ARID3C: variants seen among roughly 807,000 people sequenced by gnomAD.
The protein encoded by ARID3C is AT-rich interactive domain-containing protein 3C.
In ARID3C, 42 loss-of-function variants were observed where a neutral mutation model predicts 37.9. The ratio of observed to expected loss-of-function variants is 1.11; its 90% CI spans 0.87 to 1.43. ARID3C has a LOEUF of 1.43. Among genes scored for constraint, ARID3C ranks in the 40% most tolerant of loss-of-function variants. ARID3C has a pLI of 0.00. For synonymous variants in ARID3C, 213 were observed against 228.0 expected (o/e 0.93, Z 0.59); for missense variants, 581 against 548.8 (o/e 1.06, Z -0.59).
chr9:34,633,005 G>A (rs1820735860), upstream of ARID3C, among the ~76,000 whole-genome samples: 1 of 151,896 alleles, frequency 6.6e-6, no homozygotes, highest in Non-Finnish European at 1.5e-5. Context: ...GAGGTTTGAG[G>A]ACTAAGCCCA....
intron 4 of ARID3C, among the ~76,000 whole-genome samples, chr9:34,622,983 T>C (rs1248058322): frequency 1.3e-5 from 2 of 151,486 alleles, no homozygotes; most frequent in African/African-American, 2.4e-5. Context: ...CCGTCTCTAC[T>C]AAAAATACAA....
intron 1 of ARID3C, 81 bp from the exon 3 acceptor site, chr9:34,625,895 C>CAAGG: frequency 6.8e-7 from 1 of 1,479,652 alleles, no homozygotes; most frequent in Non-Finnish European, 9.4e-7. Flanking sequence ...GTACCCTGAA[C>CAAGG]AAGGGTCCCT....
At chr9:34,621,455 C>T (rs754315397) in exon 7 of ARID3C, 59 of 1,509,128 alleles carry the variant, frequency 3.9e-5, no homozygotes, top group Non-Finnish European at 4.9e-5. Flanking sequence ...CAAGTAGGAC[C>T]TCTCAGGGCA....
chr9:34,622,602 G>T, intron 4 of ARID3C, 73 bp from the exon 6 acceptor site: 1 of 1,449,250 alleles, frequency 6.9e-7, no homozygotes, highest in South Asian at 1.4e-5. Flanking sequence ...CCAGGCCTGG[G>T]ACCAAAAGAG....
chr9:34,628,107 G>T, upstream of ARID3C: 3 of 1,424,620 alleles, frequency 2.1e-6, no homozygotes, highest in South Asian at 1.5e-5. The surrounding 1 kb of genome is among the most constrained non-coding windows in gnomAD (Gnocchi z 5.2). Context: ...GGGAATTATG[G>T]GTGCTGGGCC....
At chr9:34,622,778 A>C (rs968384011) in intron 4 of ARID3C, among the ~76,000 whole-genome samples, 50 of 152,244 alleles carry the variant, frequency 3.3e-4, no homozygotes, top group Non-Finnish European at 6.3e-4. Context: ...TAAATAATCC[A>C]GGTCACAAGA....
At chr9:34,622,491 C>A (rs756990888) in exon 5 of ARID3C, 2 of 1,612,038 alleles carry the variant, frequency 1.2e-6, no homozygotes, top group Non-Finnish European at 1.7e-6. Context: ...GCCAGGCCCA[C>A]AGGCAGTGCC....
rs1344287434 is a variant in ARID3C at position 34,624,067 on chromosome 9, C to T, written c.392-20G>A. On this transcript the variant is annotated intron_variant, in intron 2 of 6. Coordinates refer to ENST00000378909, the Ensembl canonical transcript of ARID3C. The stretch of plus-strand genomic sequence containing the variant: ...GCGTCCCTGGTGGGGAGCGGGCTGC[C>T]GTCAGGACACTGAGACGAAGACCCT... 1.3e-6 allele frequency: 2 copies of T among 1,564,162 alleles called. No individual in the cohort carries two copies. Among genetic ancestry groups the T allele is most frequent in the Admixed American group, 1.8e-5 (1 of 56,246 alleles).
At chr9:34,621,598 G>A in intron 6 of ARID3C, 40 bp from the exon 8 acceptor site, 1 of 1,423,802 alleles carries the variant, frequency 7.0e-7, no homozygotes, top group East Asian at 2.4e-5. Context: ...GCAAAAACAA[G>A]CAGGAGGGGG....
chr9:34,628,032 G>A lies in ARID3C; in HGVS notation c.-18C>T. The A allele has an allele frequency of 6.8e-7, 1 of 1,462,102 alleles. No homozygotes were observed. Among genetic ancestry groups the A allele is most frequent in the Admixed American group, 2.7e-5 (1 of 36,838 alleles). The allele number at this position is 1,462,102 out of a possible 1,614,324, so 90.6% of individuals were successfully genotyped here. ...GCCTCCATGACAGCTTCCAGGCGCA[G>A]TCCCCCAGCTGAGGGGGTCCCTGGT... On this transcript the variant is annotated 5_prime_UTR_variant, in exon 1 of 7. Transcript: ENST00000378909. This position sits in a 1 kb window ranked among gnomAD's most constrained non-coding sequence, Gnocchi z 5.2.
exon 3 of ARID3C, chr9:34,623,941 G>T: frequency 6.2e-7 from 1 of 1,606,466 alleles, no homozygotes. Flanking sequence ...GCCACACTTT[G>T]CGGTTGATGA....
intron 1 of ARID3C, 97 bp downstream of exon 2, chr9:34,627,600 G>T: frequency 1.9e-6 from 2 of 1,081,026 alleles, no homozygotes; most frequent in Non-Finnish European, 2.7e-6. Context: ...TCTTGCAGAG[G>T]GTGGTGGGGG....
chr9:34,622,882 C>T (rs781291420), intron 4 of ARID3C, among the ~76,000 whole-genome samples: 34 of 152,126 alleles, frequency 2.2e-4, no homozygotes, highest in Non-Finnish European at 4.4e-4. Context: ...GGCGCGGTGA[C>T]TCAGCCTGTA....
At chr9:34,625,697 T>TCA (rs772489526) in intron 2 of ARID3C, 45 bp downstream of exon 3, 1 of 1,610,472 alleles carries the variant, frequency 6.2e-7, no homozygotes, top group Admixed American at 1.7e-5. Context: ...TCAAACCTGG[T>TCA]AAGGGGGCAA....
chr9:34,624,768 A>G (rs1330248814), intron 2 of ARID3C, among the ~76,000 whole-genome samples: 1 of 152,166 alleles, frequency 6.6e-6, no homozygotes, highest in Non-Finnish European at 1.5e-5. Flanking sequence ...CTGCGGCCTG[A>G]TTAATGGGGG....
intron 2 of ARID3C, 28 bp downstream of exon 3, chr9:34,625,714 G>T: frequency 6.2e-7 from 1 of 1,613,250 alleles, no homozygotes; most frequent in Non-Finnish European, 8.5e-7. Flanking sequence ...GCAATTCCAG[G>T]GCCCTTCCCC....
At chr9:34,623,480 G>C (rs754590551) in exon 4 of ARID3C, 2 of 1,541,564 alleles carry the variant, frequency 1.3e-6, no homozygotes, top group Non-Finnish European at 1.7e-6. Context: ...GCAGGCCGGA[G>C]GTGGAACCCT....
chr9:34,623,974 G>C, exon 3 of ARID3C: 2 of 1,604,978 alleles, frequency 1.2e-6, no homozygotes, highest in Non-Finnish European at 1.7e-6. Context: ...CGCCCTTGGC[G>C]GTCACCAGGC....
At chr9:34,627,670 G>A (rs756929245) in intron 1 of ARID3C, 27 bp downstream of exon 2, 1 of 1,560,312 alleles carries the variant, frequency 6.4e-7, no homozygotes, top group Non-Finnish European at 8.7e-7. Flanking sequence ...AGGGAAGAGG[G>A]CCGGACATTG....
Sources: gnomAD v4.1 joint callset for allele counts (sites outside exome capture counted in the v4.1 genomes callset) on GRCh38, gnomAD v4.1.1 for gene constraint, Gnocchi (gnomAD v3.1) non-coding constraint, MANE v1.5 for transcripts, NCBI Gene and HGNC (gene_info 2026-07-23, HGNC 2026-07-21) for gene names.